The following DNER variants were observed in gnomAD, a reference collection of about 807,000 sequenced individuals.
DNER encodes delta/notch like EGF repeat containing, also known as delta and Notch-like epidermal growth factor-related receptor.
In DNER, 33 loss-of-function variants were observed where a neutral mutation model predicts 78.2. The observed-to-expected ratio is 0.42, with a 90% confidence interval of 0.32 to 0.56. The LOEUF is 0.56. Ranked by LOEUF, DNER falls within the 20% of genes least tolerant of loss-of-function variation. The pLI is 0.11. For synonymous variants in DNER, 417 were observed against 384.8 expected, an observed-to-expected ratio of 1.08 and a Z score of -0.98; for missense variants, 918 against 975.3, an observed-to-expected ratio of 0.94 and a Z score of 0.78.
chr2:229,547,797 A>G (rs1023221447), intron 4 of DNER, among the ~76,000 whole-genome samples: 2 of 152,238 alleles, frequency 1.3e-5, no homozygotes, highest in African/African-American at 4.8e-5. Flanking sequence ...TTGTCATTGA[A>G]TGATCTTTAT....
intron 11 of DNER, among the ~76,000 whole-genome samples, chr2:229,386,962 A>G (rs972107359): frequency 1.2e-4 from 19 of 152,166 alleles, no homozygotes; most frequent in Non-Finnish European, 1.9e-4. Flanking sequence ...TTGACCCAGC[A>G]ATCTCATTAC....
intron 1 of DNER, among the ~76,000 whole-genome samples, chr2:229,681,440 A>G (rs1173774841): frequency 6.6e-6 from 1 of 152,198 alleles, no homozygotes; most frequent in Non-Finnish European, 1.5e-5. Context: ...TCTACTTGTC[A>G]GACATGGTGT....
chr2:229,573,712 G>A (rs1469062974), intron 4 of DNER, among the ~76,000 whole-genome samples: 1 of 152,134 alleles, frequency 6.6e-6, no homozygotes, highest in Non-Finnish European at 1.5e-5. Context: ...TGATCTTCTG[G>A]AATATGACTG....
chr2:229,679,049 C>T (rs1005009801), intron 1 of DNER, among the ~76,000 whole-genome samples: 1 of 152,136 alleles, frequency 6.6e-6, no homozygotes, highest in Non-Finnish European at 1.5e-5. Flanking sequence ...GTGAGAACAA[C>T]CCCTTTTTAA....
At chr2:229,602,396 G>A (rs1353547138) in intron 1 of DNER, among the ~76,000 whole-genome samples, 1 of 152,144 alleles carries the variant, frequency 6.6e-6, no homozygotes, top group Non-Finnish European at 1.5e-5. Context: ...TTGGTGAAAG[G>A]TAGAACAGTT....
intron 10 of DNER, among the ~76,000 whole-genome samples, chr2:229,389,561 A>T (rs921178490): frequency 2.6e-5 from 4 of 152,200 alleles, no homozygotes; most frequent in African/African-American, 9.7e-5. Flanking sequence ...CATATGGACA[A>T]AATCAGATAT....
At chr2:229,546,459 G>A (rs1373172741) in intron 5 of DNER, among the ~76,000 whole-genome samples, 1 of 152,266 alleles carries the variant, frequency 6.6e-6, no homozygotes, top group Non-Finnish European at 1.5e-5. Flanking sequence ...TATCAGGCTG[G>A]GCACAGTGGC....
At chr2:229,579,249 T>C (rs1697352138) in intron 4 of DNER, among the ~76,000 whole-genome samples, 1 of 152,118 alleles carries the variant, frequency 6.6e-6, no homozygotes, top group African/African-American at 2.4e-5. Context: ...TATACAACCC[T>C]GTCTTGGGCA....
At chr2:229,689,132 C>A (rs904731564) in intron 1 of DNER, among the ~76,000 whole-genome samples, 16 of 152,106 alleles carry the variant, frequency 1.1e-4, no homozygotes, top group African/African-American at 3.6e-4. Flanking sequence ...TGCACATGTA[C>A]CCCAGAACTT....
In DNER at chr2:229,591,662, C is replaced by A. The variant is rs141603946; in HGVS notation, c.503G>T (p.Arg168Leu). 1.2e-6 allele frequency: 2 copies of A among 1,614,146 alleles called. No homozygotes were observed. Among genetic ancestry groups the A allele is most frequent in the Admixed American group, 3.3e-5 (2 of 60,026 alleles). The change falls in exon 2 of 13, where the codon CGC becomes CTC. Residue 168 changes from arginine to leucine, a missense_variant. Arg to Leu is a moderately radical substitution (Grantham distance 102, BLOSUM62 -2). Transcript: ENST00000341772. This position sits in a 1 kb window ranked among gnomAD's most constrained non-coding sequence, Gnocchi z 4.6. ...ATQEPDKILP[R>L]SQATVTLPTW... is the part of the protein sequence containing the mutation. ...AGGCAGTGTCACCGTTGCCTGAGAG[C>A]GAGGCAGGATTTTGTCAGGCTCCTG... is the stretch of plus-strand genomic sequence containing the variant.
intron 1 of DNER, among the ~76,000 whole-genome samples, chr2:229,681,545 C>G (rs1699386622): frequency 6.6e-6 from 1 of 152,022 alleles, no homozygotes; most frequent in African/African-American, 2.4e-5. Flanking sequence ...ATAATAAATT[C>G]CCCCCTTGTC....
In DNER at chr2:229,524,691, A is replaced by G. The variant is rs557667906; in HGVS notation, c.994-11755T>C. On this transcript the variant is annotated intron_variant, in intron 5 of 12. Transcript: ENST00000341772. Reference sequence around the variant, plus strand: ...TTACCCAGCCCTTCACCAATCTTGGAGATAGGGAAGAATCAAATGCTGAAA... The same window carrying G: ...TTACCCAGCCCTTCACCAATCTTGGGGATAGGGAAGAATCAAATGCTGAAA... Among the ~76,000 whole-genome samples the G allele has an allele frequency of 2.7e-4, 41 of 152,176 alleles. 1 individual carries two copies. In the East Asian group the frequency reaches 3.5e-3, roughly 13 times the overall value.
chr2:229,655,231 G>T (rs1016662429), intron 1 of DNER, among the ~76,000 whole-genome samples: 1 of 151,272 alleles, frequency 6.6e-6, no homozygotes, highest in Non-Finnish European at 1.5e-5. Flanking sequence ...ACCACCAAAA[G>T]AAATGAAATA....
Position 229,678,289 on chromosome 2 carries a change from A to T in DNER, c.276+35859T>A, listed in dbSNP as rs79536465. ...CAGTCGCTTCTCGATTCCTTCCATC[A>T]CTTAGTGAAGACACTACAAATACCT... On this transcript the variant is annotated intron_variant, in intron 1 of 12. Transcript: ENST00000341772. Among the ~76,000 whole-genome samples, 1,274 of 152,204 alleles carry T rather than the reference A, an allele frequency of 8.4e-3. 10 individuals carry two copies. The highest frequency in any genetic ancestry group is 0.058 in the Middle Eastern group (17 of 294).
At chr2:229,585,015 G>A (rs1697473294) in intron 4 of DNER, among the ~76,000 whole-genome samples, 1 of 152,126 alleles carries the variant, frequency 6.6e-6, no homozygotes. Flanking sequence ...AGAAGTGACT[G>A]ATGCAGGAGG....
At chr2:229,553,438 G>A (rs1296150755) in intron 4 of DNER, among the ~76,000 whole-genome samples, 4 of 152,338 alleles carry the variant, frequency 2.6e-5, no homozygotes, top group African/African-American at 7.2e-5. Flanking sequence ...GAAGCCCTGC[G>A]AAGATGTCAT....
In DNER at chr2:229,581,880, T is replaced by TTTTA. The variant is rs113410563; in HGVS notation, c.847+3974_847+3977dup. On this transcript the variant is annotated intron_variant, in intron 4 of 12. Coordinates refer to ENST00000341772, the MANE Select transcript of DNER (RefSeq NM_139072.4). ...ACCTTTGGTCATCAGTTATGTTTAT[T>TTTTA]TTTATTTATTTATTTATTATCCAGC... Among the ~76,000 whole-genome samples the TTTTA allele has an allele frequency of 3.8e-3, 579 of 152,190 alleles. 5 individuals are homozygous for TTTTA. The highest frequency in any genetic ancestry group is 0.011 in the African/African-American group (473 of 41,490).
intron 10 of DNER, among the ~76,000 whole-genome samples, chr2:229,402,501 A>G (rs188816664): frequency 1.6e-4 from 24 of 152,332 alleles, no homozygotes; most frequent in African/African-American, 5.0e-4. Context: ...CTGAAAGACA[A>G]ATATCAAAAA....
chr2:229,543,153 A>T (rs1490027960), intron 5 of DNER, among the ~76,000 whole-genome samples: 1 of 148,918 alleles, frequency 6.7e-6, no homozygotes, highest in African/African-American at 2.5e-5. Context: ...AACTTAAAGT[A>T]TTAAAAAAAA....
Sources: gnomAD v4.1 joint callset for allele counts (sites outside exome capture counted in the v4.1 genomes callset) on GRCh38, gnomAD v4.1.1 for gene constraint, Gnocchi (gnomAD v3.1) non-coding constraint, MANE v1.5 for transcripts, NCBI Gene and HGNC (gene_info 2026-07-23, HGNC 2026-07-21) for gene names.